Variants in CHN1 observed in about 807,000 individuals in gnomAD.
CHN1 encodes N-chimaerin.
A neutral mutation model predicts 59.5 loss-of-function variants in CHN1; 37 were observed. That is an observed-to-expected ratio of 0.62 (90% CI 0.48 to 0.82). The LOEUF is 0.82. Among genes scored for constraint, CHN1 ranks in the 40% least tolerant of loss-of-function variants. The pLI is 0.00. For synonymous variants in CHN1, 206 were observed against 200.4 expected (o/e 1.03, Z -0.24); for missense variants, 469 against 571.0 (o/e 0.82, Z 1.82).
intron 2 of CHN1, 88 bp from the exon 3 acceptor site, chr2:174,945,031 G>T: frequency 1.0e-6 from 1 of 952,806 alleles, no homozygotes; most frequent in Non-Finnish European, 1.6e-6. Flanking sequence ...TGCTTTTTAT[G>T]TTCACAAGAA....
At chr2:174,856,105 T>C (rs1166021114) in intron 6 of CHN1, among the ~76,000 whole-genome samples, 2 of 152,164 alleles carry the variant, frequency 1.3e-5, no homozygotes, top group African/African-American at 4.8e-5. Flanking sequence ...ATCTGGTGAC[T>C]ACCAGATTCA....
At chr2:174,836,874 A>C (rs975186611) in intron 7 of CHN1, among the ~76,000 whole-genome samples, 1 of 152,198 alleles carries the variant, frequency 6.6e-6, no homozygotes, top group Non-Finnish European at 1.5e-5. Context: ...TTTGAGGCTG[A>C]CTAGAATCTG....
At chr2:174,847,160 T>C in intron 6 of CHN1, 2 of 1,540,780 alleles carry the variant, frequency 1.3e-6, no homozygotes, top group Non-Finnish European at 1.8e-6. Flanking sequence ...AGAAAACCTA[T>C]AGTGGTCTAT....
intron 1 of CHN1, among the ~76,000 whole-genome samples, chr2:174,958,775 G>C (rs1053164424): frequency 2.0e-5 from 3 of 152,148 alleles, no homozygotes; most frequent in Non-Finnish European, 2.9e-5. Flanking sequence ...CATCTATAAA[G>C]CACCTTGTAC....
intron 5 of CHN1, among the ~76,000 whole-genome samples, chr2:174,891,517 C>T (rs1204022578): frequency 1.3e-5 from 2 of 149,044 alleles, no homozygotes; most frequent in Admixed American, 6.7e-5. Flanking sequence ...TGCAGTGAGC[C>T]GAGATCATGC....
At chr2:174,919,180 A>G (rs1000124489) in intron 3 of CHN1, among the ~76,000 whole-genome samples, 3 of 152,246 alleles carry the variant, frequency 2.0e-5, no homozygotes, top group Non-Finnish European at 4.4e-5. Flanking sequence ...ACATTACTGT[A>G]TAAGACCAAA....
intron 1 of CHN1, among the ~76,000 whole-genome samples, chr2:174,974,087 A>AATGGC (rs1295483590): frequency 3.3e-5 from 5 of 152,252 alleles, no homozygotes; most frequent in Admixed American, 6.5e-5. Context: ...TCAGGACTCA[A>AATGGC]AATACCGTGA....
rs1388662039 is a variant in CHN1, at chr2:174,799,580, A to T, written c.*536T>A. 1.9e-6 allele frequency: 1 copy of T among 526,200 alleles called. No individual in the cohort carries two copies. Among genetic ancestry groups the T allele is most frequent in the South Asian group, 1.5e-5 (1 of 65,092 alleles). The allele number at this position is 526,200 out of a possible 1,614,324, so 32.6% of individuals were successfully genotyped here. A position where few individuals can be genotyped will look rare whatever the true frequency, so the allele number is the denominator to read the frequency against. On this transcript the variant is annotated 3_prime_UTR_variant, in exon 13 of 13. Coordinates refer to ENST00000409900, the MANE Select transcript of CHN1 (RefSeq NM_001822.7). ...ATTTTGCTTTTGCTGGAAAGAAAGT[A>T]CTATGTTAGAGAAGAACTAAGAGAA...
chr2:174,799,239 T>C lies in CHN1; in HGVS notation c.*877A>G, dbSNP rs1225218516. 1 of 244,938 alleles carries C rather than the reference T, an allele frequency of 4.1e-6. No homozygotes were observed. The highest frequency in any genetic ancestry group is 8.5e-5 in the East Asian group (1 of 11,778). 15.2% of individuals were successfully genotyped at this position (244,938 alleles called of 1,614,324 possible). On this transcript the variant is annotated 3_prime_UTR_variant, in exon 13 of 13. Coordinates refer to ENST00000409900, the MANE Select transcript of CHN1 (RefSeq NM_001822.7). ...TAAGAAGAAAAATAAATGGAATTAA[T>C]GGTTGTTCTAACTGTAAGCAGTTTT...
chr2:174,983,694 G>A (rs906069771), intron 1 of CHN1, among the ~76,000 whole-genome samples: 3 of 152,146 alleles, frequency 2.0e-5, no homozygotes, highest in Non-Finnish European at 4.4e-5. Flanking sequence ...TGGGCTTGGT[G>A]GCATGCGCCT....
chr2:174,868,179 AT>A (rs1261861008), intron 6 of CHN1, among the ~76,000 whole-genome samples: 1 of 152,160 alleles, frequency 6.6e-6, no homozygotes, highest in Non-Finnish European at 1.5e-5. Flanking sequence ...TATCAACATG[AT>A]TTGTTTTGAA....
intron 5 of CHN1, among the ~76,000 whole-genome samples, chr2:174,897,875 A>G (rs1057296179): frequency 9.2e-5 from 14 of 152,278 alleles, no homozygotes; most frequent in African/African-American, 3.4e-4. Context: ...CACTTAAAGT[A>G]TTTCTCCAAC....
At chr2:174,964,607 C>T (rs200491417) in intron 1 of CHN1, among the ~76,000 whole-genome samples, 12 of 152,142 alleles carry the variant, frequency 7.9e-5, no homozygotes, top group African/African-American at 2.4e-4. Context: ...GGCAAACTTA[C>T]GCATAATAAA....
In CHN1 at chr2:174,824,507, G is replaced by A; in HGVS notation, c.639C>T (p.Phe213=). ...AGTATTCACACCAGTGTGGCCCTCTGAATGTATGCACCTGAAAAAAAAAAA... is the reference window on the plus strand; with the variant it reads ...AGTATTCACACCAGTGTGGCCCTCTAAATGTATGCACCTGAAAAAAAAAAA... ...EKIHNFKVHT[F]RGPHWCEYCA... Residue 213 remains phenylalanine (F), a synonymous_variant, in exon 8 of 13, where the codon TTC becomes TTT. Transcript: ENST00000409900. 6.3e-7 allele frequency: 1 copy of A among 1,595,376 alleles called. No individual in the cohort carries two copies.
At chr2:174,932,746 C>T (rs1689387127) in intron 3 of CHN1, among the ~76,000 whole-genome samples, 1 of 152,030 alleles carries the variant, frequency 6.6e-6, no homozygotes, top group Non-Finnish European at 1.5e-5. Flanking sequence ...GTGTGTGGCA[C>T]CTGCCCTCTG....
chr2:174,993,098 T>C (rs1234658678), intron 1 of CHN1, among the ~76,000 whole-genome samples: 1 of 152,088 alleles, frequency 6.6e-6, no homozygotes, highest in African/African-American at 2.4e-5. Flanking sequence ...CTCCAATCAC[T>C]TGCTAGCTAA....
intron 8 of CHN1, 90 bp from the exon 9 acceptor site, chr2:174,812,572 G>A (rs2105384436): frequency 4.1e-6 from 5 of 1,224,368 alleles, no homozygotes; most frequent in Non-Finnish European, 5.8e-6. Context: ...AGGCACTCCA[G>A]CTTGAATTAG....
At chr2:174,877,753 G>A in intron 6 of CHN1, 87 bp downstream of exon 6, 2 of 1,227,930 alleles carry the variant, frequency 1.6e-6, no homozygotes, top group East Asian at 2.4e-5. Context: ...AAAGCACTGT[G>A]GATAAATCAA....
In CHN1 at chr2:174,831,894, A is replaced by G. The variant is rs373307642; in HGVS notation, c.628-7376T>C. On this transcript the variant is annotated intron_variant, in intron 7 of 12. Transcript: ENST00000409900. The stretch of plus-strand genomic sequence containing the variant: ...CCTAAGGTTATATTATGTAGGTACA[A>G]TAGGAAAATAAATAAGTAAATGGTT... Among the ~76,000 whole-genome samples, 21 of 152,286 alleles carry G rather than the reference A, an allele frequency of 1.4e-4. No homozygotes were observed. In the East Asian group the frequency reaches 2.1e-3, roughly 15 times the overall value.
Sources: allele counts gnomAD v4.1 joint callset (sites outside exome capture counted in the v4.1 genomes callset), GRCh38; gene constraint gnomAD v4.1.1; transcripts MANE v1.5; gene names NCBI Gene and HGNC (gene_info 2026-07-23, HGNC 2026-07-21).